The following TTC28 variants were observed in gnomAD, a reference collection of about 807,000 sequenced individuals.
The protein encoded by TTC28 is tetratricopeptide repeat domain 28, also known as tetratricopeptide repeat protein 28.
A neutral mutation model predicts 198.0 loss-of-function variants in TTC28; 61 were observed. The observed-to-expected ratio is 0.31, with a 90% CI of 0.25 to 0.38. The LOEUF (loss-of-function observed/expected upper bound fraction) is 0.38, where lower values mean the gene tolerates loss of function less well. TTC28 is among the 10% of genes least tolerant of loss of function. TTC28 has a pLI of 1.00. For synonymous variants in TTC28, 1,171 were observed against 1,297.8 expected (o/e 0.90, Z 2.10); for missense variants, 2,678 against 3,164.0 (o/e 0.85, Z 3.69).
intron 5 of TTC28, among the ~76,000 whole-genome samples, chr22:28,214,012 A>G (rs1218900126): frequency 6.6e-6 from 1 of 152,214 alleles, no homozygotes; most frequent in Non-Finnish European, 1.5e-5. Flanking sequence ...CAAAACTGAC[A>G]AAAACAAGAA....
At chr22:28,572,355 T>C (rs2050077268) in intron 2 of TTC28, among the ~76,000 whole-genome samples, 1 of 152,072 alleles carries the variant, frequency 6.6e-6, no homozygotes, top group African/African-American at 2.4e-5. Flanking sequence ...CTGAGAATAT[T>C]CATGACAGCA....
intron 2 of TTC28, among the ~76,000 whole-genome samples, chr22:28,525,530 G>A (rs1383009697): frequency 6.6e-5 from 10 of 152,122 alleles, no homozygotes; most frequent in African/African-American, 2.4e-4. Context: ...TTTTAAACTA[G>A]ATGACTGAAA....
At chr22:28,558,392 G>C (rs1372483092) in intron 2 of TTC28, among the ~76,000 whole-genome samples, 1 of 152,222 alleles carries the variant, frequency 6.6e-6, no homozygotes, top group Non-Finnish European at 1.5e-5. Context: ...CAAAAATATT[G>C]GCCAGGCGCA....
chr22:28,678,132 A>T (rs547093226), intron 1 of TTC28, among the ~76,000 whole-genome samples: 90 of 152,346 alleles, frequency 5.9e-4, no homozygotes, highest in African/African-American at 2.0e-3. Flanking sequence ...AATGATGAAG[A>T]GAAAGAAACA....
intron 2 of TTC28, among the ~76,000 whole-genome samples, chr22:28,597,430 A>T (rs1312568335): frequency 6.6e-6 from 1 of 152,190 alleles, no homozygotes; most frequent in Non-Finnish European, 1.5e-5. Context: ...AACAACACCC[A>T]GGCCCCTTCA....
chr22:28,040,116 G>A (rs2146669306), intron 12 of TTC28, among the ~76,000 whole-genome samples: 1 of 152,262 alleles, frequency 6.6e-6, no homozygotes, highest in East Asian at 1.9e-4. Context: ...AACAAAAAAA[G>A]TCCAGGACCA....
chr22:28,384,761 T>A (rs2046549600), intron 2 of TTC28, among the ~76,000 whole-genome samples: 1 of 152,162 alleles, frequency 6.6e-6, no homozygotes, highest in Non-Finnish European at 1.5e-5. Flanking sequence ...TTATCATCCG[T>A]CTTCTGCAAC....
chr22:28,338,952 G>C (rs1302189964), intron 2 of TTC28, among the ~76,000 whole-genome samples: 11 of 152,168 alleles, frequency 7.2e-5, no homozygotes, highest in African/African-American at 2.2e-4. Context: ...GAGGCGCTCT[G>C]ATTTTTAGAG....
chr22:28,173,672 G>A (rs1665362678), intron 5 of TTC28, among the ~76,000 whole-genome samples: 1 of 152,058 alleles, frequency 6.6e-6, no homozygotes, highest in African/African-American at 2.4e-5. Flanking sequence ...TAGATTCATG[G>A]GACATAAAAC....
chr22:28,203,776 A>G (rs1926169269), intron 5 of TTC28, among the ~76,000 whole-genome samples: 1 of 152,090 alleles, frequency 6.6e-6, no homozygotes, highest in African/African-American at 2.4e-5. Flanking sequence ...TTAAGTGTTC[A>G]TCTTAATTTT....
intron 2 of TTC28, among the ~76,000 whole-genome samples, chr22:28,354,826 CT>C (rs59409055): frequency 0.081 from 12,299 of 151,224 alleles, 603 homozygotes; most frequent in Admixed American, 0.15. Flanking sequence ...AAAGAATACT[CT>C]TTTTTTTTAA....
At position 28,014,240 on chromosome 22, in the gene TTC28, G is replaced by A. The variant is rs148734015; in HGVS notation, c.4218+8C>T. 2.6e-6 allele frequency: 4 copies of A among 1,548,800 alleles called. No individual in the cohort carries two copies. Among genetic ancestry groups the A allele is most frequent in the Non-Finnish European group, 3.5e-6 (4 of 1,145,588 alleles). On this transcript the variant is annotated splice_region_variant and intron_variant, in intron 14 of 22. Transcript: ENST00000397906. ...CGGAGGAGCCTTGTGCCCCCAGGAG[G>A]TGCTTACCCCTTCCATGGGCGCGAT...
chr22:28,108,220 T>C lies in TTC28; in HGVS notation c.1625A>G (p.Gln542Arg). 1 of 1,551,346 alleles carries C rather than the reference T, an allele frequency of 6.4e-7. No individual in the cohort carries two copies. Among genetic ancestry groups the C allele is most frequent in the East Asian group, 2.4e-5 (1 of 40,902 alleles). The part of the protein sequence containing the change: ...QAVKYHRQEL[Q>R]ISMEVNDRAS... ...GCGGTCATTCACTTCCATGGAGATC[T>C]GCAGCTCCTGCCGATGGTATTTGAC... Residue 542 changes from glutamine to arginine, a missense_variant, in exon 7 of 23, where the codon CAG becomes CGG. By Grantham distance (43) the Gln-to-Arg change is conservative. Around this residue, in one of 8 missense-constraint regions of TTC28, gnomAD observed 775 missense variants for 845.9 expected, o/e 0.92. Coordinates refer to ENST00000397906, the MANE Select transcript of TTC28 (RefSeq NM_001145418.2).
intron 12 of TTC28, among the ~76,000 whole-genome samples, chr22:28,061,562 G>A (rs545085647): frequency 5.9e-5 from 9 of 152,196 alleles, no homozygotes; most frequent in South Asian, 2.1e-4. Context: ...GCTCTGTTTC[G>A]TTCCATTGGT....
chr22:28,086,683 T>TACAGTTCTGCTGTACAGAGACACAATAC (rs1941615384), intron 12 of TTC28, among the ~76,000 whole-genome samples: 1 of 151,954 alleles, frequency 6.6e-6, no homozygotes, highest in Non-Finnish European at 1.5e-5. Flanking sequence ...CTGAAGGTAA[T>TACAGTTCTGCTGTACAGAGACACAATAC]AGAGACACAA....
chr22:28,500,319 C>T (rs695529), intron 2 of TTC28, among the ~76,000 whole-genome samples: 5 of 152,226 alleles, frequency 3.3e-5, no homozygotes, highest in Middle Eastern at 3.4e-3. Flanking sequence ...TCACCTAGAA[C>T]GCTGTTTACA....
chr22:28,042,302 T>C (rs1335030211), intron 12 of TTC28, among the ~76,000 whole-genome samples: 1 of 152,098 alleles, frequency 6.6e-6, no homozygotes, highest in Non-Finnish European at 1.5e-5. Flanking sequence ...GCAGCACTAT[T>C]CACAGTAGCA....
intron 2 of TTC28, among the ~76,000 whole-genome samples, chr22:28,392,962 G>A (rs1007443252): frequency 7.4e-6 from 1 of 135,952 alleles, no homozygotes; most frequent in Admixed American, 8.5e-5. Flanking sequence ...CTGCAACCTC[G>A]ACCTCCTGGG....
intron 6 of TTC28, among the ~76,000 whole-genome samples, chr22:28,154,657 A>G (rs537701427): frequency 1.3e-5 from 2 of 152,294 alleles, no homozygotes; most frequent in South Asian, 4.1e-4. Flanking sequence ...CGCTCAGAAG[A>G]TGGCCATTTT....
Sources: allele counts gnomAD v4.1 joint callset (sites outside exome capture counted in the v4.1 genomes callset), GRCh38; gene constraint gnomAD v4.1.1; regional missense constraint gnomAD v4.1.1; transcripts MANE v1.5; gene names NCBI Gene and HGNC (gene_info 2026-07-23, HGNC 2026-07-21).